The following RPS6KA3 variants were observed in gnomAD, a reference collection of about 807,000 sequenced individuals.
RPS6KA3 encodes ribosomal protein S6 kinase alpha-3.
Under a neutral mutation model 67.2 loss-of-function variants are expected in RPS6KA3, and 4 were observed. That is an observed-to-expected ratio of 0.06 (90% CI 0.03 to 0.14). The LOEUF (loss-of-function observed/expected upper bound fraction) is 0.14, where lower values mean the gene tolerates loss of function less well. Ranked by LOEUF, RPS6KA3 falls within the 10% of genes least tolerant of loss-of-function variation. RPS6KA3 has a pLI of 1.00. For synonymous variants in RPS6KA3, 182 were observed against 183.7 expected, an observed-to-expected ratio of 0.99 and a Z score of 0.07; for missense variants, 204 against 559.0, an observed-to-expected ratio of 0.36 and a Z score of 6.40.
At chrX:20,266,967 C>G, upstream of RPS6KA3, 1 of 748,985 alleles carries the variant, frequency 1.3e-6, no homozygotes, top group Non-Finnish European at 1.6e-6. Flanking sequence ...GGTTCCCGCG[C>G]CCGCTCCCAG....
chrX:20,243,642 C>T (rs1433551713), intron 1 of RPS6KA3, among the ~76,000 whole-genome samples: 1 of 109,912 alleles, frequency 9.1e-6, no homozygotes, highest in African/African-American at 3.3e-5. Context: ...CGTGCCACCA[C>T]ATCCAGCTAA....
upstream of RPS6KA3, chrX:20,266,911 C>T (rs2070412831): frequency 1.6e-6 from 1 of 624,316 alleles, no homozygotes; most frequent in Non-Finnish European, 1.9e-6. Flanking sequence ...CCCCTTTCTT[C>T]CTCTCCTCCT....
chrX:20,262,704 C>T (rs1365294255), intron 1 of RPS6KA3, among the ~76,000 whole-genome samples: 1 of 110,975 alleles, frequency 9.0e-6, no homozygotes, highest in Non-Finnish European at 1.9e-5. Flanking sequence ...GTCCTCTCCT[C>T]AGATCTTCAC....
chrX:20,226,951 G>A (rs1257943592), intron 2 of RPS6KA3, among the ~76,000 whole-genome samples: 1 of 111,981 alleles, frequency 8.9e-6, no homozygotes, highest in Non-Finnish European at 1.9e-5. Context: ...CACTGCCGAG[G>A]TAAAGAATAT....
chrX:20,228,106 T>C (rs768076099), intron 2 of RPS6KA3, among the ~76,000 whole-genome samples: 24 of 112,403 alleles, frequency 2.1e-4, no homozygotes, highest in Non-Finnish European at 3.8e-4. Flanking sequence ...AGTTACTTTT[T>C]CTTGGGGAAT....
chrX:20,250,845 T>C (rs1287873069), intron 1 of RPS6KA3, among the ~76,000 whole-genome samples: 1 of 112,141 alleles, frequency 8.9e-6, no homozygotes, highest in African/African-American at 3.3e-5. Context: ...TCTTTAGGTT[T>C]TGCTATCAGG....
chrX:20,200,700 A>T (rs982644555), intron 4 of RPS6KA3, among the ~76,000 whole-genome samples: 22 of 110,884 alleles, frequency 2.0e-4, no homozygotes, highest in Non-Finnish European at 3.4e-4. Context: ...ATTAAAAAAA[A>T]TTTTTTTTAG....
intron 1 of RPS6KA3, chrX:20,240,735 T>C (rs925369383): frequency 2.7e-5 from 3 of 112,415 alleles, no homozygotes; most frequent in African/African-American, 9.8e-5. Flanking sequence ...AATACATCTA[T>C]TCATATGTAG....
At chrX:20,192,132 G>A (rs925352271) in intron 7 of RPS6KA3, among the ~76,000 whole-genome samples, 5 of 111,240 alleles carry the variant, frequency 4.5e-5, no homozygotes, top group Non-Finnish European at 7.5e-5. Context: ...GGTAGAGCAA[G>A]GCTCGTGCTT....
intron 1 of RPS6KA3, among the ~76,000 whole-genome samples, chrX:20,241,063 G>A (rs994912516): frequency 9.0e-6 from 1 of 111,150 alleles, no homozygotes; most frequent in Non-Finnish European, 1.9e-5. Context: ...GTGCCCTTAT[G>A]CCTGCTTTAC....
rs377428750 is a variant in RPS6KA3 at position 20,212,661 on chromosome X, C to A, written c.127-3257G>T. On this transcript the variant is annotated intron_variant, in intron 2 of 21. Coordinates refer to ENST00000379565, the MANE Select transcript of RPS6KA3 (RefSeq NM_004586.3). The stretch of plus-strand genomic sequence containing the variant: ...AGCTGAGATGTGAGGATCGCTTGAG[C>A]CCAGGAGGTCGAGGCTACAGTGAGC... 1.4e-4 allele frequency among the ~76,000 whole-genome samples: 15 copies of A among 110,343 alleles called. No homozygotes were observed. In the East Asian group the frequency reaches 4.3e-3, roughly 32 times the overall value.
At chrX:20,213,837 T>C (rs1333468166) in intron 2 of RPS6KA3, among the ~76,000 whole-genome samples, 3 of 110,642 alleles carry the variant, frequency 2.7e-5, no homozygotes, top group Non-Finnish European at 5.7e-5. Flanking sequence ...GACAACAGCA[T>C]CCACATTATC....
chrX:20,155,366 A>G lies in RPS6KA3; in HGVS notation c.*32T>C. The G allele has an allele frequency of 8.3e-7, 1 of 1,208,680 alleles. No homozygotes were observed. The highest frequency in any genetic ancestry group is 1.8e-5 in the South Asian group (1 of 56,874). Reference sequence around the variant, plus strand: ...GCCAGAACTTGTGCTATCAGCTTACACCATGGTACCAAATATCTCACTGAG... The same window carrying G: ...GCCAGAACTTGTGCTATCAGCTTACGCCATGGTACCAAATATCTCACTGAG... On this transcript the variant is annotated 3_prime_UTR_variant, in exon 22 of 22. Coordinates refer to ENST00000379565, the MANE Select transcript of RPS6KA3 (RefSeq NM_004586.3).
chrX:20,162,974 T>G lies in RPS6KA3; in HGVS notation c.1831A>C (p.Met611Leu). 8.7e-7 allele frequency: 1 copy of G among 1,151,407 alleles called. No individual in the cohort carries two copies. Among genetic ancestry groups the G allele is most frequent in the Non-Finnish European group, 1.2e-6 (1 of 840,212 alleles). 94.9% of individuals were successfully genotyped at this position (1,151,407 alleles called of 1,213,427 possible). A position where few individuals can be genotyped will look rare whatever the true frequency, so the allele number is the denominator to read the frequency against. Residue 611 changes from methionine to leucine, a missense_variant, in exon 19 of 22, where the codon ATG becomes CTG. Physicochemically the swap from Met to Leu is conservative, Grantham distance 15 (BLOSUM62 2). This residue lies in a region of RPS6KA3 where 73 missense variants were observed against 241.1 expected (regional missense o/e 0.30). Coordinates refer to ENST00000379565, the MANE Select transcript of RPS6KA3 (RefSeq NM_004586.3). ...ATGGTATACACTCACCCGGTAAGCA[T>G]TGTATAGAGTAGGACACCAAGACTC... is the stretch of plus-strand genomic sequence containing the variant. Reference protein sequence around the residue: ...IWSLGVLLYTMLTGYTPFANG... With the variant: ...IWSLGVLLYTLLTGYTPFANG...
chrX:20,236,725 G>C (rs1295463078), intron 1 of RPS6KA3, among the ~76,000 whole-genome samples: 1 of 111,809 alleles, frequency 8.9e-6, no homozygotes, highest in Non-Finnish European at 1.9e-5. Context: ...TTCAGGAAAA[G>C]GTAGGGAGGC....
intron 1 of RPS6KA3, among the ~76,000 whole-genome samples, chrX:20,243,181 C>G (rs1008252388): frequency 2.7e-5 from 3 of 111,689 alleles, no homozygotes; most frequent in African/African-American, 9.8e-5. Flanking sequence ...TGAGTACACA[C>G]AGTAAAAATG....
intron 7 of RPS6KA3, among the ~76,000 whole-genome samples, chrX:20,192,804 A>G (rs1210097466): frequency 3.7e-5 from 4 of 108,884 alleles, no homozygotes; most frequent in Non-Finnish European, 7.6e-5. Context: ...TGTTGCCCAC[A>G]CTGGTCTACA....
At chrX:20,178,883 A>G (rs1237538736) in intron 10 of RPS6KA3, among the ~76,000 whole-genome samples, 1 of 110,331 alleles carries the variant, frequency 9.1e-6, no homozygotes, top group Non-Finnish European at 1.9e-5. Context: ...TTAGGTAACA[A>G]GGATGCAGCA....
chrX:20,250,150 T>C (rs2069823245), intron 1 of RPS6KA3, among the ~76,000 whole-genome samples: 1 of 111,732 alleles, frequency 8.9e-6, no homozygotes. Context: ...GTATTTTGAG[T>C]ACTGGATATA....
Sources: allele counts gnomAD v4.1 joint callset (sites outside exome capture counted in the v4.1 genomes callset), GRCh38; gene constraint gnomAD v4.1.1; regional missense constraint gnomAD v4.1.1; transcripts MANE v1.5; gene names NCBI Gene and HGNC (gene_info 2026-07-23, HGNC 2026-07-21).